The following ZSWIM8 variants were observed in gnomAD, a reference collection of about 807,000 sequenced individuals.
The protein encoded by ZSWIM8 is zinc finger SWIM-type containing 8, also known as zinc finger SWIM domain-containing protein 8.
ZSWIM8 carries 27 observed loss-of-function variants against 173.7 expected under a neutral mutation model. The ratio of observed to expected loss-of-function variants is 0.16; its 90% confidence interval spans 0.11 to 0.21. ZSWIM8 has a LOEUF of 0.21. ZSWIM8 is among the 10% of genes least tolerant of loss of function. The probability of loss-of-function intolerance (pLI) is 1.00; values close to 1 mark genes in which losing one functional copy is unlikely to be tolerated. For synonymous variants in ZSWIM8, 958 were observed against 962.0 expected (o/e 1.00, Z 0.08); for missense variants, 1,627 against 2,428.8 (o/e 0.67, Z 6.94).
chr10:73,799,022 G>A lies in ZSWIM8; in HGVS notation c.4197G>A (p.Lys1399=). ...CKEQDNLMLE[K]ACMAVEEAAK... ...TCCAGGACAACCTGATGTTGGAGAA[G>A]GCCTGCATGGCAGTGGAAGAGGCAG... The change falls in exon 21 of 26, where the codon AAG becomes AAA. Residue 1399 remains lysine, a synonymous_variant. Transcript: ENST00000604729. 6.2e-7 allele frequency: 1 copy of A among 1,611,086 alleles called. No homozygotes were observed. Among genetic ancestry groups the A allele is most frequent in the Non-Finnish European group, 8.5e-7 (1 of 1,177,884 alleles).
At chr10:73,786,460 T>C in intron 1 of ZSWIM8, 1 of 212,064 alleles carries the variant, frequency 4.7e-6, no homozygotes, top group Non-Finnish European at 9.3e-6. Flanking sequence ...GTCTTTGACT[T>C]GGGAATACTT....
chr10:73,799,365 A>G lies in ZSWIM8; in HGVS notation c.4540A>G (p.Thr1514Ala), dbSNP rs757566826. The change falls in exon 21 of 26, where the codon ACT becomes GCT. Residue 1514 changes from threonine (T) to alanine (A), a missense_variant. Around this residue, in one of 18 missense-constraint regions of ZSWIM8, gnomAD observed 275 missense variants for 290.1 expected, o/e 0.95. Transcript: ENST00000604729. ...CCACTCCCCTGGCCTGCACCCCTAC[A>G]CTGCTCTACAGCCCCACCTGCCCTG... is the stretch of plus-strand genomic sequence containing the variant. ...HGHSPGLHPY[T>A]ALQPHLPCSP... is the part of the protein sequence containing the mutation. 4 of 1,611,620 alleles carry G rather than the reference A, an allele frequency of 2.5e-6. No individual in the cohort carries two copies. The highest frequency in any genetic ancestry group is 2.7e-5 in the African/African-American group (2 of 74,764).
chr10:73,800,585 G>A lies in ZSWIM8; in HGVS notation c.5003-55G>A. 3 of 1,606,082 alleles carry A rather than the reference G, an allele frequency of 1.9e-6. No homozygotes were observed. The highest frequency in any genetic ancestry group is 2.6e-6 in the Non-Finnish European group (3 of 1,175,068). ...CTGTGGGGTCAGGTGACAGGTTGGGGTAAAGGGTGAAGAGGATACACCGTA... is the reference window on the plus strand; with the variant it reads ...CTGTGGGGTCAGGTGACAGGTTGGGATAAAGGGTGAAGAGGATACACCGTA... On this transcript the variant is annotated intron_variant, in intron 23 of 25. Transcript: ENST00000604729. The surrounding 1 kb of genome is among the most constrained non-coding windows in gnomAD (Gnocchi z 4.1).
chr10:73,795,876 T>C (rs773159691), intron 15 of ZSWIM8, among the ~76,000 whole-genome samples: 10 of 150,314 alleles, frequency 6.7e-5, no homozygotes, highest in Non-Finnish European at 8.9e-5. Flanking sequence ...GGTGGGAGGA[T>C]TGCTTGAACC....
At position 73,797,229 on chromosome 10, in the gene ZSWIM8, C is replaced by G; in HGVS notation, c.3391C>G (p.Arg1131Gly). ...TGGCAGTCGTGGAGGCTATAATGGA[C>G]GGGGATGGGGGTCCCCAGGACGGCC... ...ALGSRGGYNGRGWGSPGRPKK... is the reference protein window; with the variant it reads ...ALGSRGGYNGGGWGSPGRPKK... The change falls in exon 17 of 26, where the codon CGG becomes GGG. Residue 1131 changes from arginine (R) to glycine (G), a missense_variant. Physicochemically the swap from Arg to Gly is moderately radical, Grantham distance 125. Around this residue, in one of 18 missense-constraint regions of ZSWIM8, gnomAD observed 163 missense variants for 193.2 expected, o/e 0.84. Coordinates refer to ENST00000604729, the MANE Select transcript of ZSWIM8 (RefSeq NM_001367799.1). The surrounding 1 kb of genome is among the most constrained non-coding windows in gnomAD (Gnocchi z 5.6). 4 of 1,613,956 alleles carry G rather than the reference C, an allele frequency of 2.5e-6. No homozygotes were observed. Among genetic ancestry groups the G allele is most frequent in the Non-Finnish European group, 2.5e-6 (3 of 1,179,854 alleles).
In ZSWIM8 at chr10:73,790,805, C is replaced by T. The variant is rs531692767; in HGVS notation, c.942-170C>T. ...TGGAGGTTGCAGTGAGGTGAGATCG[C>T]GCCATTGCACTCAAGCCTGGGCGAC... On this transcript the variant is annotated intron_variant, in intron 7 of 25. Coordinates refer to ENST00000604729, the MANE Select transcript of ZSWIM8 (RefSeq NM_001367799.1). Among the ~76,000 whole-genome samples the T allele has an allele frequency of 2.6e-5, 4 of 152,104 alleles. No individual in the cohort carries two copies. In the South Asian group the frequency reaches 8.3e-4, roughly 32 times the overall value.
At position 73,792,307 on chromosome 10, in the gene ZSWIM8, G is replaced by C. The variant is rs2083445044; in HGVS notation, c.1768G>C (p.Gly590Arg). 6.2e-7 allele frequency: 1 copy of C among 1,612,480 alleles called. No homozygotes were observed. Among genetic ancestry groups the C allele is most frequent in the East Asian group, 2.2e-5 (1 of 44,858 alleles). ...PGGGKAKALG[G>R]AGSGSKGSAG... ...TGGGGGCAAAGCCAAGGCACTGGGT[G>C]GGGCTGGCAGTGGGAGCAAGGGCTC... is the stretch of plus-strand genomic sequence containing the variant. The change falls in exon 10 of 26, where the codon GGG becomes CGG. Residue 590 changes from glycine to arginine, a missense_variant. By Grantham distance (125) the Gly-to-Arg change is moderately radical (BLOSUM62 -2). This residue lies in a region of ZSWIM8 where 383 missense variants were observed against 394.8 expected (regional missense o/e 0.97). Transcript: ENST00000604729. The surrounding 1 kb of genome is among the most constrained non-coding windows in gnomAD (Gnocchi z 4.3).
chr10:73,797,166 C>A lies in ZSWIM8; in HGVS notation c.3328C>A (p.Pro1110Thr), dbSNP rs759896793. The stretch of plus-strand genomic sequence containing the variant: ...TCTTCCATCTGAGGCAGCTTTGACC[C>A]CAAGGCCAGAAGGGAAGGTTCCTAG... ...EGLPSEAALT[P>T]RPEGKVPSRL... Residue 1110 changes from proline to threonine, a missense_variant, in exon 17 of 26, where the codon CCA becomes ACA. Coordinates refer to ENST00000604729, the MANE Select transcript of ZSWIM8 (RefSeq NM_001367799.1). This position sits in a 1 kb window ranked among gnomAD's most constrained non-coding sequence, Gnocchi z 5.6. The A allele has an allele frequency of 6.2e-7, 1 of 1,613,828 alleles. No homozygotes were observed. Among genetic ancestry groups the A allele is most frequent in the South Asian group, 1.1e-5 (1 of 91,054 alleles).
chr10:73,792,484 C>A lies in ZSWIM8; in HGVS notation c.1945C>A (p.Leu649Ile). Residue 649 changes from leucine to isoleucine, a missense_variant, in exon 10 of 26, where the codon CTC becomes ATC. Around this residue, in one of 18 missense-constraint regions of ZSWIM8, gnomAD observed 383 missense variants for 394.8 expected, o/e 0.97. Coordinates refer to ENST00000604729, the MANE Select transcript of ZSWIM8 (RefSeq NM_001367799.1). The surrounding 1 kb of genome is among the most constrained non-coding windows in gnomAD (Gnocchi z 4.3). The part of the protein sequence containing the change: ...GFPESPPPCP[L>I]HGGSRGPSTF... The stretch of plus-strand genomic sequence containing the variant: ...CCCTGAGAGCCCTCCACCCTGTCCT[C>A]TCCACGGTGGCTCCCGAGGCCCTTC... 6.2e-7 allele frequency: 1 copy of A among 1,612,476 alleles called. No homozygotes were observed. The highest frequency in any genetic ancestry group is 8.5e-7 in the Non-Finnish European group (1 of 1,179,170).
Position 73,800,949 on chromosome 10 carries a change from A to G in ZSWIM8, c.5123-68A>G. The stretch of plus-strand genomic sequence containing the variant: ...GGCTCTCTGCCAGGCCAGAGCTGAG[A>G]TCTGTAAGTTGGGTCCCTAGGGCAG... On this transcript the variant is annotated intron_variant, in intron 24 of 25. Coordinates refer to ENST00000604729, the MANE Select transcript of ZSWIM8 (RefSeq NM_001367799.1). The surrounding 1 kb of genome is among the most constrained non-coding windows in gnomAD (Gnocchi z 4.1). The G allele has an allele frequency of 6.9e-7, 1 of 1,448,292 alleles. No homozygotes were observed. Among genetic ancestry groups the G allele is most frequent in the Non-Finnish European group, 9.4e-7 (1 of 1,069,208 alleles). The allele number at this position is 1,448,292 out of a possible 1,614,324, so 89.7% of individuals were successfully genotyped here.
Position 73,789,105 on chromosome 10 carries a change from G to A in ZSWIM8, c.372G>A (p.Ser124=), listed in dbSNP as rs1176277410. ...PENEEDIRLY[S]CLANGSADEF... is the part of the protein sequence containing the mutation. The stretch of plus-strand genomic sequence containing the variant: ...TCTTCTTCACCCCCAGGCTGTATTC[G>A]TGCCTGGCCAATGGCAGTGCGGATG... Residue 124 remains serine, a synonymous_variant, in exon 3 of 26, where the codon TCG becomes TCA. Transcript: ENST00000604729. This position sits in a 1 kb window ranked among gnomAD's most constrained non-coding sequence, Gnocchi z 6.8. 10 of 1,613,884 alleles carry A rather than the reference G, an allele frequency of 6.2e-6. No individual in the cohort carries two copies. Among genetic ancestry groups the A allele is most frequent in the East Asian group, 2.2e-5 (1 of 44,886 alleles).
Position 73,801,455 on chromosome 10 carries a change from G to A in ZSWIM8, c.5441G>A (p.Arg1814His), listed in dbSNP as rs1196068659. 1.9e-6 allele frequency: 3 copies of A among 1,613,926 alleles called. No homozygotes were observed. Among genetic ancestry groups the A allele is most frequent in the East Asian group, 2.2e-5 (1 of 44,872 alleles). Residue 1814 changes from arginine (R) to histidine (H), a missense_variant, in exon 26 of 26, where the codon CGC (arginine) becomes CAC (histidine). Arg to His is a conservative substitution (Grantham distance 29). Transcript: ENST00000604729. This position sits in a 1 kb window ranked among gnomAD's most constrained non-coding sequence, Gnocchi z 4.9. ...AACGACATCCTACAGAACCTCAAGCGCAGCAAACAGACCAAGGAGCTGTGG... is the reference window on the plus strand; with the variant it reads ...AACGACATCCTACAGAACCTCAAGCACAGCAAACAGACCAAGGAGCTGTGG... Reference protein sequence around the residue: ...QFNDILQNLKRSKQTKELWQR... With the variant: ...QFNDILQNLKHSKQTKELWQR...
chr10:73,794,271 A>G lies in ZSWIM8; in HGVS notation c.2750A>G (p.Tyr917Cys), dbSNP rs368222368. The change falls in exon 13 of 26, where the codon TAT becomes TGT. Residue 917 changes from tyrosine (Y) to cysteine (C), a missense_variant. This residue lies in a region of ZSWIM8 where 169 missense variants were observed against 235.3 expected (regional missense o/e 0.72). Transcript: ENST00000604729. ...EELREGTLCDYRPVLPLMLAS... is the reference protein window; with the variant it reads ...EELREGTLCDCRPVLPLMLAS... ...CTTCGGGAGGGGACACTCTGTGACT[A>G]TCGGCCTGTGTTGCCTCTCATGCTG... is the stretch of plus-strand genomic sequence containing the variant. The G allele has an allele frequency of 4.3e-6, 7 of 1,613,880 alleles. No homozygotes were observed. Among genetic ancestry groups the G allele is most frequent in the Non-Finnish European group, 4.2e-6 (5 of 1,179,892 alleles).
Position 73,799,076 on chromosome 10 carries a change from G to T in ZSWIM8, c.4251G>T (p.Val1417=). The T allele has an allele frequency of 4.3e-6, 7 of 1,613,942 alleles. No individual in the cohort carries two copies. The highest frequency in any genetic ancestry group is 5.9e-6 in the Non-Finnish European group (7 of 1,179,838). The part of the protein sequence containing the change: ...AAKGGGVYPE[V]LFEVAHQWFW... ...AGGGTGGGGGCGTGTACCCTGAAGT[G>T]TTGTTTGAGGTTGCTCACCAGTGGT... Residue 1417 remains valine (V), a synonymous_variant, in exon 21 of 26, where the codon GTG becomes GTT. Coordinates refer to ENST00000604729, the MANE Select transcript of ZSWIM8 (RefSeq NM_001367799.1).
At chr10:73,786,943 CTTT>C (rs3036236) in intron 1 of ZSWIM8, among the ~76,000 whole-genome samples, 11 of 131,782 alleles carry the variant, frequency 8.3e-5, no homozygotes, top group Non-Finnish European at 8.4e-5. Flanking sequence ...ACATATATCA[CTTT>C]TTTTTTTTTT....
Position 73,788,690 on chromosome 10 carries a change from G to T in ZSWIM8, c.229G>T (p.Val77Leu). 1 of 1,614,006 alleles carries T rather than the reference G, an allele frequency of 6.2e-7. No homozygotes were observed. The highest frequency in any genetic ancestry group is 1.3e-5 in the African/African-American group (1 of 75,058). ...RMRDGLVIPL[V>L]ELSAKQVAFH... ...CAAAGATGGACTGGTGATCCCATTG[G>T]TGGAGCTGTCAGCAAAGCAGGTGGC... Residue 77 changes from valine to leucine, a missense_variant, in exon 2 of 26, where the codon GTG becomes TTG. Val to Leu is a conservative substitution (Grantham distance 32). Around this residue, in one of 18 missense-constraint regions of ZSWIM8, gnomAD observed 29 missense variants for 108.2 expected, o/e 0.27. Transcript: ENST00000604729.
In ZSWIM8 at chr10:73,792,444, C is replaced by A; in HGVS notation, c.1905C>A (p.Ser635Arg). The A allele has an allele frequency of 6.2e-7, 1 of 1,606,262 alleles. No individual in the cohort carries two copies. ...DSSLALGAEASTFGGFPESPP... is the reference protein window; with the variant it reads ...DSSLALGAEARTFGGFPESPP... ...GCCTGGCCCTGGGCGCAGAGGCCAG[C>A]ACCTTCGGGGGATTCCCTGAGAGCC... The change falls in exon 10 of 26, where the codon AGC (serine) becomes AGA (arginine). Residue 635 changes from serine (S) to arginine (R), a missense_variant. Ser to Arg is a moderately radical substitution (Grantham distance 110). Coordinates refer to ENST00000604729, the MANE Select transcript of ZSWIM8 (RefSeq NM_001367799.1). The surrounding 1 kb of genome is among the most constrained non-coding windows in gnomAD (Gnocchi z 4.3).
chr10:73,798,546 T>C (rs1234145727), intron 20 of ZSWIM8, 93 bp downstream of exon 20: 1 of 1,153,766 alleles, frequency 8.7e-7, no homozygotes, highest in African/African-American at 1.5e-5. Context: ...TTGATTCCCG[T>C]ATCCTGGAGT....
chr10:73,792,146 C>G lies in ZSWIM8; in HGVS notation c.1607C>G (p.Thr536Ser), dbSNP rs769778877. Residue 536 changes from threonine to serine, a missense_variant, in exon 10 of 26, where the codon ACT becomes AGT. Physicochemically the swap from Thr to Ser is moderately conservative, Grantham distance 58 (BLOSUM62 1). This residue lies in a region of ZSWIM8 where 383 missense variants were observed against 394.8 expected (regional missense o/e 0.97). Coordinates refer to ENST00000604729, the MANE Select transcript of ZSWIM8 (RefSeq NM_001367799.1). The surrounding 1 kb of genome is among the most constrained non-coding windows in gnomAD (Gnocchi z 4.3). ...CGGGACCGGCCCCGACCCCTTCCTA[C>G]TGAGCCAGCTGTGCGGCCCAAGGAG... ...ESRDRPRPLPTEPAVRPKEPG... is the reference protein window; with the variant it reads ...ESRDRPRPLPSEPAVRPKEPG... 1 of 1,529,188 alleles carries G rather than the reference C, an allele frequency of 6.5e-7. No individual in the cohort carries two copies. Among genetic ancestry groups the G allele is most frequent in the East Asian group, 2.3e-5 (1 of 43,834 alleles). The allele number at this position is 1,529,188 out of a possible 1,614,324, so 94.7% of individuals were successfully genotyped here. A position where few individuals can be genotyped will look rare whatever the true frequency, so the allele number is the denominator to read the frequency against.
Sources: allele counts gnomAD v4.1 joint callset (sites outside exome capture counted in the v4.1 genomes callset), GRCh38; gene constraint gnomAD v4.1.1; regional missense constraint gnomAD v4.1.1; non-coding constraint Gnocchi (gnomAD v3.1); transcripts MANE v1.5; gene names NCBI Gene and HGNC (gene_info 2026-07-23, HGNC 2026-07-21).